ZNF385D: variants seen among roughly 807,000 people sequenced by gnomAD.
ZNF385D encodes the protein zinc finger protein 659.
ZNF385D carries 15 observed loss-of-function variants against 35.8 expected under a neutral mutation model. The observed-to-expected ratio is 0.42, with a 90% CI of 0.28 to 0.64. The LOEUF (loss-of-function observed/expected upper bound fraction) is 0.64. Ranked by LOEUF, ZNF385D falls within the 30% of genes least tolerant of loss-of-function variation. The pLI, the probability that ZNF385D is intolerant of heterozygous loss-of-function variation, is 0.23. For synonymous variants in ZNF385D, 212 were observed against 186.8 expected (o/e 1.13, Z -1.10); for missense variants, 474 against 494.6 (o/e 0.96, Z 0.39).
chr3:21,625,920 A>C (rs2125824228), intron 2 of ZNF385D, among the ~76,000 whole-genome samples: 1 of 152,162 alleles, frequency 6.6e-6, no homozygotes, highest in East Asian at 1.9e-4. Flanking sequence ...CCCTCCTTTC[A>C]GGTTTCTTAA....
chr3:21,586,611 G>A (rs1031363698), intron 2 of ZNF385D, among the ~76,000 whole-genome samples: 2 of 151,966 alleles, frequency 1.3e-5, no homozygotes, highest in Admixed American at 1.3e-4. Flanking sequence ...AAGTTGTAAG[G>A]AAGAAGCTGA....
chr3:22,013,712 C>G (rs1268885801), intron 3 of ZNF385D, among the ~76,000 whole-genome samples: 1 of 152,054 alleles, frequency 6.6e-6, no homozygotes, highest in East Asian at 1.9e-4. Context: ...TGTGAGTCCC[C>G]TAAGAGACTG....
chr3:21,664,119 A>G (rs1392344974), intron 2 of ZNF385D, among the ~76,000 whole-genome samples: 1 of 151,102 alleles, frequency 6.6e-6, no homozygotes, highest in Non-Finnish European at 1.5e-5. Flanking sequence ...ATTAAAAAAA[A>G]AAAAAGTCAC....
At chr3:21,900,125 C>T (rs768123501) in intron 3 of ZNF385D, among the ~76,000 whole-genome samples, 33 of 152,010 alleles carry the variant, frequency 2.2e-4, no homozygotes, top group Non-Finnish European at 4.3e-4. Context: ...TTCAACCTAA[C>T]AAAAATCAAA....
rs138881572 is a variant in ZNF385D at position 22,308,985 on chromosome 3, A to G, written c.106+63465T>C. On this transcript the variant is annotated intron_variant, in intron 2 of 5. Coordinates refer to the ZNF385D transcript ENST00000494108. Reference sequence around the variant, plus strand: ...GATGAATCCCTACCTTGCTTCTGCAATAAAATAAGAGGCTATAAAGCTAAT... The same window carrying G: ...GATGAATCCCTACCTTGCTTCTGCAGTAAAATAAGAGGCTATAAAGCTAAT... 2.4e-3 allele frequency among the ~76,000 whole-genome samples: 369 copies of G among 152,186 alleles called. 2 individuals are homozygous for G. Among genetic ancestry groups the G allele is most frequent in the African/African-American group, 8.8e-3 (365 of 41,540 alleles).
At chr3:22,284,243 C>T (rs1243889829) in intron 2 of ZNF385D, among the ~76,000 whole-genome samples, 1 of 152,112 alleles carries the variant, frequency 6.6e-6, no homozygotes, top group Non-Finnish European at 1.5e-5. Context: ...GGCTGGAGTG[C>T]AGTGGCGCGA....
chr3:22,170,954 A>T (rs1576439807), intron 2 of ZNF385D, among the ~76,000 whole-genome samples: 1 of 152,326 alleles, frequency 6.6e-6, no homozygotes, highest in Middle Eastern at 3.4e-3. Flanking sequence ...CAAAAATAAG[A>T]TGTAAATTTA....
chr3:21,884,052 AAT>A (rs1358831809), intron 3 of ZNF385D, among the ~76,000 whole-genome samples: 2 of 152,066 alleles, frequency 1.3e-5, no homozygotes, highest in African/African-American at 4.8e-5. Context: ...TAACACACAC[AAT>A]ATAAATGCGG....
chr3:21,659,416 T>C (rs935240806), intron 2 of ZNF385D, among the ~76,000 whole-genome samples: 2 of 152,044 alleles, frequency 1.3e-5, no homozygotes, highest in Admixed American at 6.6e-5. Context: ...ATGACACACA[T>C]AAAAACTTGT....
At chr3:22,288,450 T>C (rs931631382) in intron 2 of ZNF385D, among the ~76,000 whole-genome samples, 1 of 112,346 alleles carries the variant, frequency 8.9e-6, no homozygotes, top group Admixed American at 7.7e-5. Context: ...TTCTTTTTTG[T>C]TTAAGTGGAT....
chr3:21,797,650 A>G (rs578224667), intron 3 of ZNF385D, among the ~76,000 whole-genome samples: 240 of 152,364 alleles, frequency 1.6e-3, no homozygotes, highest in Non-Finnish European at 2.7e-3. Context: ...AGGCAATGGA[A>G]TATCAGTCAA....
At chr3:22,070,623 A>C (rs962087289) in intron 3 of ZNF385D, among the ~76,000 whole-genome samples, 4 of 152,160 alleles carry the variant, frequency 2.6e-5, no homozygotes, top group African/African-American at 7.2e-5. Context: ...AGTCATAGAA[A>C]GTACTATAGT....
intron 2 of ZNF385D, among the ~76,000 whole-genome samples, chr3:22,320,812 AT>A (rs1159370551): frequency 6.6e-6 from 1 of 151,716 alleles, no homozygotes; most frequent in East Asian, 1.9e-4. Flanking sequence ...AATCAAAGTA[AT>A]TTTTTGATTT....
At chr3:21,618,788 C>T (rs903637198) in intron 2 of ZNF385D, among the ~76,000 whole-genome samples, 2 of 152,138 alleles carry the variant, frequency 1.3e-5, no homozygotes, top group Non-Finnish European at 1.5e-5. Flanking sequence ...AAGGGCTAAA[C>T]TTACCTGCCC....
chr3:21,668,854 T>C (rs1455243830), intron 1 of ZNF385D, among the ~76,000 whole-genome samples: 1 of 152,208 alleles, frequency 6.6e-6, no homozygotes. Context: ...ATAGAAACTA[T>C]TGCATCTAAG....
chr3:21,603,506 T>C (rs2064380948), intron 2 of ZNF385D, among the ~76,000 whole-genome samples: 1 of 152,222 alleles, frequency 6.6e-6, no homozygotes, highest in Non-Finnish European at 1.5e-5. Flanking sequence ...TAAGTTATGT[T>C]ACATCTGTAC....
chr3:22,351,077 G>A (rs942069154), intron 2 of ZNF385D, among the ~76,000 whole-genome samples: 7 of 151,802 alleles, frequency 4.6e-5, no homozygotes, highest in South Asian at 2.1e-4. Context: ...AATTCACATT[G>A]GTTCTTACAG....
At chr3:22,126,344 T>G (rs2125676438) in intron 3 of ZNF385D, among the ~76,000 whole-genome samples, 1 of 143,332 alleles carries the variant, frequency 7.0e-6, no homozygotes, top group African/African-American at 2.5e-5. Flanking sequence ...TTTTTTGGTG[T>G]AGGCACTTGT....
chr3:22,281,235 CTT>C (rs1227059498), intron 2 of ZNF385D, among the ~76,000 whole-genome samples: 1 of 151,934 alleles, frequency 6.6e-6, no homozygotes, highest in African/African-American at 2.4e-5. Context: ...CTTTCTTTCT[CTT>C]GTCTGACTGC....
Sources: gnomAD v4.1 joint callset for allele counts (sites outside exome capture counted in the v4.1 genomes callset) on GRCh38, gnomAD v4.1.1 for gene constraint, MANE v1.5 for transcripts, NCBI Gene and HGNC (gene_info 2026-07-23, HGNC 2026-07-21) for gene names.